NBDY: variants seen among roughly 807,000 people sequenced by gnomAD.
NBDY encodes the protein negative regulator of P-body association.
At chrX:56,759,798 G>A (rs1201221351) in intron 2 of NBDY, among the ~76,000 whole-genome samples, 2 of 111,755 alleles carry the variant, frequency 1.8e-5, no homozygotes, top group African/African-American at 6.5e-5. Context: ...TGAAAGAAAG[G>A]GCAGGCAGGG....
chrX:56,766,088 A>C (rs1205200847), intron 2 of NBDY, among the ~76,000 whole-genome samples: 1 of 111,468 alleles, frequency 9.0e-6, no homozygotes, highest in Non-Finnish European at 1.9e-5. Flanking sequence ...TGGTGAACGC[A>C]CCCTTTACCC....
chrX:56,781,686 C>T (rs2069692032), intron 2 of NBDY, among the ~76,000 whole-genome samples: 2 of 111,733 alleles, frequency 1.8e-5, no homozygotes, highest in Non-Finnish European at 3.8e-5. Flanking sequence ...CACAATCAGC[C>T]AAGAAGGCAG....
chrX:56,745,982 A>T (rs181055192), intron 2 of NBDY, among the ~76,000 whole-genome samples: 15 of 111,713 alleles, frequency 1.3e-4, no homozygotes, highest in African/African-American at 4.5e-4. Flanking sequence ...TTCCCCCTTA[A>T]GAAAGTTACT....
At chrX:56,802,233 G>A (rs1436837691) in intron 2 of NBDY, among the ~76,000 whole-genome samples, 1 of 112,060 alleles carries the variant, frequency 8.9e-6, no homozygotes, top group Non-Finnish European at 1.9e-5. Flanking sequence ...GAATGAATGC[G>A]GGAAGTCTGT....
chrX:56,808,712 C>G (rs1391590603), intron 2 of NBDY, among the ~76,000 whole-genome samples: 2 of 111,625 alleles, frequency 1.8e-5, no homozygotes, highest in Admixed American at 9.5e-5. Context: ...AAAACGAGCT[C>G]CTGGATTCAT....
intron 2 of NBDY, among the ~76,000 whole-genome samples, chrX:56,813,206 A>G (rs1211943630): frequency 9.0e-6 from 1 of 111,400 alleles, no homozygotes; most frequent in Non-Finnish European, 1.9e-5. Context: ...ACCACCCAGG[A>G]GTTACTTTTA....
intron 2 of NBDY, among the ~76,000 whole-genome samples, chrX:56,809,612 G>A (rs2069874612): frequency 8.9e-6 from 1 of 111,903 alleles, no homozygotes; most frequent in Non-Finnish European, 1.9e-5. Flanking sequence ...TGCTTGGTAA[G>A]TATTCCTCCA....
At chrX:56,734,366 C>A (rs1181826422) in intron 2 of NBDY, among the ~76,000 whole-genome samples, 1 of 111,871 alleles carries the variant, frequency 8.9e-6, no homozygotes, top group African/African-American at 3.3e-5. Context: ...CATAAGCCAG[C>A]CATCTGTTTT....
chrX:56,798,910 C>T (rs1411060421), intron 2 of NBDY, among the ~76,000 whole-genome samples: 1 of 111,910 alleles, frequency 8.9e-6, no homozygotes, highest in Non-Finnish European at 1.9e-5. Context: ...GCTTTTTTCA[C>T]ATTGGAAAAG....
intron 2 of NBDY, among the ~76,000 whole-genome samples, chrX:56,803,230 GA>G (rs2069833088): frequency 9.0e-6 from 1 of 111,456 alleles, no homozygotes; most frequent in African/African-American, 3.3e-5. Flanking sequence ...AGCCCTCTCC[GA>G]AAAAAGGGCA....
rs185002630 is a variant in NBDY at position 56,806,140 on chromosome X, G to A, written c.*167-11180G>A. ...CCAGCTTCATCCATGTCTCTGCAAAGGACATGAACTCATCCATTTTATGGC... is the reference window on the plus strand; with the variant it reads ...CCAGCTTCATCCATGTCTCTGCAAAAGACATGAACTCATCCATTTTATGGC... On this transcript the variant is annotated intron_variant, in intron 2 of 2. Transcript: ENST00000374922. Among the ~76,000 whole-genome samples, 476 of 111,743 alleles carry A rather than the reference G, an allele frequency of 4.3e-3. 2 individuals are homozygous for A. Among genetic ancestry groups the A allele is most frequent in the African/African-American group, 0.015 (463 of 30,741 alleles).
At chrX:56,761,838 C>T (rs1422794670) in intron 2 of NBDY, among the ~76,000 whole-genome samples, 2 of 112,300 alleles carry the variant, frequency 1.8e-5, no homozygotes, top group East Asian at 5.6e-4. Flanking sequence ...TCCCTAGTGC[C>T]ATAGGTGGCT....
intron 2 of NBDY, among the ~76,000 whole-genome samples, chrX:56,816,605 AATT>A (rs1443700038): frequency 2.7e-5 from 3 of 111,333 alleles, no homozygotes; most frequent in African/African-American, 9.7e-5. Context: ...TTATATTAAA[AATT>A]ATTAAGACAT....
chrX:56,789,290 A>T lies in NBDY; in HGVS notation c.*167-28030A>T, dbSNP rs139464934. ...CTCTGGATTCTTCTCTGGGCAGGGT[A>T]CCCAGTGAACCAGAGGAGTCTGTTC... On this transcript the variant is annotated intron_variant, in intron 2 of 2. Transcript: ENST00000374922. Among the ~76,000 whole-genome samples, 248 of 111,766 alleles carry T rather than the reference A, an allele frequency of 2.2e-3. 3 individuals carry two copies. Among genetic ancestry groups the T allele is most frequent in the African/African-American group, 7.6e-3 (234 of 30,752 alleles).
intron 2 of NBDY, among the ~76,000 whole-genome samples, chrX:56,796,415 T>C (rs2069791851): frequency 8.9e-6 from 1 of 112,253 alleles, no homozygotes; most frequent in Non-Finnish European, 1.9e-5. Flanking sequence ...TTTTCTTCTT[T>C]ACTCTTTTTA....
intron 2 of NBDY, among the ~76,000 whole-genome samples, chrX:56,813,142 C>T (rs2069895416): frequency 2.7e-5 from 3 of 111,136 alleles, no homozygotes; most frequent in African/African-American, 6.6e-5. Flanking sequence ...ACATATGTAA[C>T]AAACCTGCAC....
In NBDY at chrX:56,746,085, T is replaced by A. The variant is rs111644908; in HGVS notation, c.*166+13886T>A. Among the ~76,000 whole-genome samples the A allele has an allele frequency of 3.4e-3, 375 of 111,415 alleles. 2 individuals carry two copies. The highest frequency in any genetic ancestry group is 0.011 in the African/African-American group (352 of 30,684). On this transcript the variant is annotated intron_variant, in intron 2 of 2. Coordinates refer to ENST00000374922, the MANE Select transcript of NBDY (RefSeq NM_001348129.2). Reference sequence around the variant, plus strand: ...CAGAAATGCTCAGCATGAAGAGGAGTTTCTATATCTGTTCTGCCATCACAT... The same window carrying A: ...CAGAAATGCTCAGCATGAAGAGGAGATTCTATATCTGTTCTGCCATCACAT...
intron 2 of NBDY, among the ~76,000 whole-genome samples, chrX:56,799,553 C>T (rs1040313806): frequency 8.8e-6 from 1 of 113,253 alleles, no homozygotes; most frequent in African/African-American, 3.2e-5. Flanking sequence ...TGGGGGAAAC[C>T]CTGGCTTGGG....
intron 2 of NBDY, among the ~76,000 whole-genome samples, chrX:56,805,706 C>T (rs992560434): frequency 2.7e-5 from 3 of 111,983 alleles, no homozygotes; most frequent in Non-Finnish European, 5.6e-5. Context: ...CTCTGTGAGG[C>T]CACAGGAGGC....
Sources: gnomAD v4.1 joint callset for allele counts (sites outside exome capture counted in the v4.1 genomes callset) on GRCh38, gnomAD v4.1.1 for gene constraint, MANE v1.5 for transcripts, NCBI Gene and HGNC (gene_info 2026-07-23, HGNC 2026-07-21) for gene names.